RABL6: variants seen among roughly 807,000 people sequenced by gnomAD.
RABL6 encodes the protein RAB, member RAS oncogene family like 6.
A neutral mutation model predicts 72.9 loss-of-function variants in RABL6; 28 were observed. The observed-to-expected ratio is 0.38, with a 90% CI of 0.28 to 0.53. The LOEUF is 0.53. Ranked by LOEUF, RABL6 falls within the 20% of genes least tolerant of loss-of-function variation. The pLI, the probability that RABL6 is intolerant of heterozygous loss-of-function variation, is 0.80. For missense variants in RABL6, 1,029 were observed against 1,008.4 expected (o/e 1.02, Z -0.28); for synonymous variants, 477 against 421.2 (o/e 1.13, Z -1.62).
intron 2 of RABL6, 108 bp downstream of exon 2, chr9:136,823,767 G>A: frequency 7.3e-7 from 1 of 1,371,728 alleles, no homozygotes; most frequent in Non-Finnish European, 9.7e-7. Flanking sequence ...AAGAGTTCTT[G>A]TCTGTGAGGG....
At chr9:136,814,194 TTTTC>T (rs1259150709) in intron 1 of RABL6, 2 of 267,010 alleles carry the variant, frequency 7.5e-6, no homozygotes, top group South Asian at 3.9e-5. Flanking sequence ...TAGTTTTTGT[TTTTC>T]TTTCTTTTTC....
chr9:136,832,179 C>A, intron 6 of RABL6, 86 bp from the exon 7 acceptor site: 2 of 1,245,472 alleles, frequency 1.6e-6, no homozygotes, highest in Non-Finnish European at 2.3e-6. Context: ...GAGGGCAGTG[C>A]GGACCCACAG....
At position 136,841,096 on chromosome 9, in the gene RABL6, C is replaced by T. The variant is rs1002205860; in HGVS notation, c.*574C>T. On this transcript the variant is annotated 3_prime_UTR_variant, in exon 15 of 15. Transcript: ENST00000311502. ...GTGTTTCCCACAGTGGCCTCAGCTGCGCCCCCGCTCAGGTGAGCCCGAAGG... is the reference window on the plus strand; with the variant it reads ...GTGTTTCCCACAGTGGCCTCAGCTGTGCCCCCGCTCAGGTGAGCCCGAAGG... The T allele has an allele frequency of 1.8e-5, 25 of 1,358,274 alleles. No homozygotes were observed. Among genetic ancestry groups the T allele is most frequent in the East Asian group, 1.6e-4 (6 of 36,788 alleles). 84.1% of individuals were successfully genotyped at this position (1,358,274 alleles called of 1,614,324 possible).
intron 1 of RABL6, 29 bp from the exon 2 acceptor site, chr9:136,823,496 G>A (rs1166776165): frequency 6.2e-7 from 1 of 1,612,078 alleles, no homozygotes; most frequent in African/African-American, 1.3e-5. Context: ...CGTTTAATTT[G>A]CCTTTTCTTT....
chr9:136,821,443 G>A, intron 1 of RABL6: 3 of 985,456 alleles, frequency 3.0e-6, no homozygotes, highest in Non-Finnish European at 3.6e-6. Flanking sequence ...CGCTCAGGCC[G>A]TGGACCTCGG....
chr9:136,818,018 C>T (rs1347439893), intron 1 of RABL6, among the ~76,000 whole-genome samples: 14 of 144,936 alleles, frequency 9.7e-5, no homozygotes, highest in Admixed American at 3.6e-4. Flanking sequence ...GCTGAGATCG[C>T]GCCGCTGCAC....
chr9:136,820,648 G>C (rs1359071096), intron 1 of RABL6, among the ~76,000 whole-genome samples: 1 of 152,168 alleles, frequency 6.6e-6, no homozygotes, highest in East Asian at 1.9e-4. Context: ...TGGGATTAGA[G>C]GCGTGAGCCA....
At chr9:136,825,657 A>G (rs1166094296) in intron 2 of RABL6, 122 bp from the exon 3 acceptor site, 1 of 1,049,680 alleles carries the variant, frequency 9.5e-7, no homozygotes, top group Non-Finnish European at 1.5e-6. Context: ...GCTTCTGGAC[A>G]CTCGGAAGTC....
chr9:136,830,087 G>A (rs1299754922), intron 5 of RABL6, among the ~76,000 whole-genome samples: 2 of 152,238 alleles, frequency 1.3e-5, no homozygotes, highest in Non-Finnish European at 2.9e-5. Context: ...GCCGCGTGAA[G>A]ACCAGTGTCC....
chr9:136,824,332 T>G (rs1848306088), intron 2 of RABL6, among the ~76,000 whole-genome samples: 1 of 139,298 alleles, frequency 7.2e-6, no homozygotes, highest in South Asian at 2.4e-4. Context: ...TTGGGTTTTT[T>G]TTTTTTTTTT....
chr9:136,828,114 C>T (rs542618818), intron 3 of RABL6: 1 of 184,828 alleles, frequency 5.4e-6, no homozygotes, highest in East Asian at 1.4e-4. Flanking sequence ...CTCACCTTCC[C>T]ACCATATCCC....
At chr9:136,825,679 C>A in intron 2 of RABL6, 100 bp from the exon 3 acceptor site, 1 of 1,299,340 alleles carries the variant, frequency 7.7e-7, no homozygotes, top group East Asian at 2.3e-5. Context: ...TGGTGGGAGC[C>A]GGTGGCTGCG....
At chr9:136,825,853 T>C in intron 3 of RABL6, 27 bp downstream of exon 3, 1 of 1,600,552 alleles carries the variant, frequency 6.2e-7, no homozygotes. Context: ...CTGTGTCTGC[T>C]TCTCTCTGGG....
At chr9:136,837,034 C>T (rs370139380) in intron 8 of RABL6, 16 of 474,880 alleles carry the variant, frequency 3.4e-5, no homozygotes, top group East Asian at 1.6e-4. Context: ...CCACCACACC[C>T]GGCTAATTTT....
intron 7 of RABL6, 138 bp downstream of exon 7, chr9:136,832,508 C>A: frequency 1.3e-6 from 1 of 786,978 alleles, no homozygotes; most frequent in South Asian, 1.4e-5. Flanking sequence ...TGGCAAGGGC[C>A]CAGCGTTCTA....
intron 8 of RABL6, 175 bp downstream of exon 8, chr9:136,836,020 C>G (rs893903976): frequency 7.2e-5 from 44 of 609,806 alleles, no homozygotes; most frequent in South Asian, 4.0e-4. Context: ...CCCCAGCAGC[C>G]CCCCCACAGT....
intron 5 of RABL6, among the ~76,000 whole-genome samples, 192 bp downstream of exon 5, chr9:136,829,676 T>C (rs1848431045): frequency 1.3e-5 from 2 of 152,260 alleles, no homozygotes; most frequent in Non-Finnish European, 2.9e-5. Flanking sequence ...CGACTATGCC[T>C]GTGCCTATGG....
chr9:136,810,567 C>T (rs920524397), intron 1 of RABL6, among the ~76,000 whole-genome samples: 3 of 151,924 alleles, frequency 2.0e-5, no homozygotes, highest in Non-Finnish European at 4.4e-5. Context: ...CAGAGTTTTG[C>T]GTTTTGCTGT....
At chr9:136,823,780 C>T in intron 2 of RABL6, 121 bp downstream of exon 2, 2 of 1,302,488 alleles carry the variant, frequency 1.5e-6, no homozygotes, top group Non-Finnish European at 2.0e-6. Context: ...TGTGAGGGAC[C>T]CTGCTGACGT....
Sources: allele counts gnomAD v4.1 joint callset (sites outside exome capture counted in the v4.1 genomes callset), GRCh38; gene constraint gnomAD v4.1.1; transcripts MANE v1.5; gene names NCBI Gene and HGNC (gene_info 2026-07-23, HGNC 2026-07-21).